CSMD1: variants seen among roughly 807,000 people sequenced by gnomAD.
CSMD1 encodes the protein CUB and sushi domain-containing protein 1.
A neutral mutation model predicts 417.5 loss-of-function variants in CSMD1; 213 were observed. The ratio of observed to expected loss-of-function variants is 0.51; its 90% CI spans 0.46 to 0.57. CSMD1 has a LOEUF of 0.57. Among genes scored for constraint, CSMD1 ranks in the 20% least tolerant of loss-of-function variants. CSMD1 has a pLI of 0.00. For synonymous variants in CSMD1, 2,862 were observed against 1,736.8 expected, an observed-to-expected ratio of 1.65 and a Z score of -16.11; for missense variants, 6,923 against 4,529.7, an observed-to-expected ratio of 1.53 and a Z score of -15.17.
chr8:3,736,340 C>T (rs1242451030), intron 6 of CSMD1, among the ~76,000 whole-genome samples: 1 of 151,950 alleles, frequency 6.6e-6, no homozygotes, highest in Admixed American at 6.6e-5. Flanking sequence ...CTCCTGGGCT[C>T]AGGTGATTCT....
intron 49 of CSMD1, among the ~76,000 whole-genome samples, chr8:3,074,121 T>TG (rs1210891537): frequency 1.3e-5 from 2 of 152,222 alleles, no homozygotes; most frequent in Non-Finnish European, 2.9e-5. Flanking sequence ...TTCTTGCATT[T>TG]GCGCAGCTGA....
intron 10 of CSMD1, among the ~76,000 whole-genome samples, chr8:3,519,386 G>A (rs188819661): frequency 3.3e-5 from 5 of 152,246 alleles, no homozygotes; most frequent in Middle Eastern, 3.4e-3. Context: ...TATGGATTAT[G>A]CATATCAATT....
intron 5 of CSMD1, among the ~76,000 whole-genome samples, chr8:3,923,495 G>A (rs1474889862): frequency 1.3e-5 from 2 of 152,014 alleles, no homozygotes; most frequent in Non-Finnish European, 2.9e-5. Flanking sequence ...ACCCTTAAAG[G>A]TATTGTGTGT....
intron 18 of CSMD1, among the ~76,000 whole-genome samples, chr8:3,386,920 C>A (rs1811038828): frequency 1.3e-5 from 2 of 152,090 alleles, no homozygotes; most frequent in Middle Eastern, 3.2e-3. Context: ...TTGAGCAATA[C>A]AATAACACAA....
intron 1 of CSMD1, among the ~76,000 whole-genome samples, chr8:4,748,183 A>G (rs969053492): frequency 1.3e-5 from 2 of 152,230 alleles, no homozygotes; most frequent in Non-Finnish European, 2.9e-5. Flanking sequence ...TCACCTTGGC[A>G]CATAAACATC....
chr8:3,050,259 T>C (rs1419353310), intron 50 of CSMD1, among the ~76,000 whole-genome samples: 2 of 152,102 alleles, frequency 1.3e-5, no homozygotes, highest in Non-Finnish European at 1.5e-5. Flanking sequence ...ATAAAAGGGG[T>C]ATAGGATTTA....
At chr8:4,950,780 G>A (rs1268145827) in intron 1 of CSMD1, among the ~76,000 whole-genome samples, 2 of 152,056 alleles carry the variant, frequency 1.3e-5, no homozygotes, top group Non-Finnish European at 2.9e-5. Flanking sequence ...CGCTAAGTCA[G>A]ACAATGACCG....
intron 5 of CSMD1, among the ~76,000 whole-genome samples, chr8:3,975,881 T>C (rs1231898481): frequency 1.3e-5 from 2 of 152,212 alleles, no homozygotes; most frequent in Admixed American, 1.3e-4. Flanking sequence ...AAATATTATG[T>C]TTTCATTAGT....
At chr8:3,639,597 A>T (rs906818550) in intron 7 of CSMD1, among the ~76,000 whole-genome samples, 5 of 152,312 alleles carry the variant, frequency 3.3e-5, no homozygotes, top group African/African-American at 9.6e-5. Flanking sequence ...ACCTAGTTTA[A>T]ATCTTAAAAT....
At chr8:4,988,179 T>A (rs968269566) in intron 1 of CSMD1, among the ~76,000 whole-genome samples, 2 of 152,250 alleles carry the variant, frequency 1.3e-5, no homozygotes, top group African/African-American at 4.8e-5. Context: ...ATTATAATGA[T>A]AGCTTTTAAA....
intron 2 of CSMD1, among the ~76,000 whole-genome samples, chr8:4,487,033 G>C (rs971549380): frequency 1.3e-5 from 2 of 152,242 alleles, no homozygotes; most frequent in East Asian, 3.9e-4. Flanking sequence ...TTCCACTGAA[G>C]AGAATTGTAA....
At chr8:4,477,733 C>G (rs1424905883) in intron 2 of CSMD1, among the ~76,000 whole-genome samples, 3 of 152,096 alleles carry the variant, frequency 2.0e-5, no homozygotes, top group African/African-American at 4.8e-5. Flanking sequence ...ATACCAAAAG[C>G]CATTCTTGTC....
intron 3 of CSMD1, among the ~76,000 whole-genome samples, chr8:4,192,907 C>G (rs1346671323): frequency 6.6e-6 from 1 of 152,170 alleles, no homozygotes; most frequent in African/African-American, 2.4e-5. Context: ...CCTTTAAGGA[C>G]ATACTCACTT....
At chr8:3,622,075 C>G (rs1289553831) in intron 7 of CSMD1, among the ~76,000 whole-genome samples, 1 of 151,786 alleles carries the variant, frequency 6.6e-6, no homozygotes, top group Non-Finnish European at 1.5e-5. Context: ...TCTTCAAGCC[C>G]ATGTTTTCAC....
At chr8:4,367,270 T>C (rs571979811) in intron 3 of CSMD1, among the ~76,000 whole-genome samples, 1 of 152,306 alleles carries the variant, frequency 6.6e-6, no homozygotes, top group South Asian at 2.1e-4. Flanking sequence ...CGGGCCAGAC[T>C]GCATGAGTCT....
At chr8:3,412,261 C>G (rs566454521) in intron 12 of CSMD1, among the ~76,000 whole-genome samples, 1 of 151,310 alleles carries the variant, frequency 6.6e-6, no homozygotes, top group South Asian at 2.1e-4. Flanking sequence ...TGGGTTGGTT[C>G]CACATTTTTG....
At chr8:4,466,646 A>G (rs570056904) in intron 2 of CSMD1, among the ~76,000 whole-genome samples, 6 of 152,112 alleles carry the variant, frequency 3.9e-5, no homozygotes, top group East Asian at 3.9e-4. Flanking sequence ...TAAATGTTTA[A>G]TTTTTCAGAA....
chr8:4,177,876 C>G (rs1005759814), intron 3 of CSMD1, among the ~76,000 whole-genome samples: 2 of 151,658 alleles, frequency 1.3e-5, no homozygotes, highest in Non-Finnish European at 2.9e-5. Flanking sequence ...CAAGACTAAA[C>G]CAGGAAGAAG....
chr8:4,430,787 C>A (rs1797829835), intron 2 of CSMD1, among the ~76,000 whole-genome samples: 1 of 152,280 alleles, frequency 6.6e-6, no homozygotes, highest in Non-Finnish European at 1.5e-5. Flanking sequence ...TTACAAATGA[C>A]ATTAAAACAG....
Sources: allele counts gnomAD v4.1 joint callset (sites outside exome capture counted in the v4.1 genomes callset), GRCh38; gene constraint gnomAD v4.1.1; transcripts MANE v1.5; gene names NCBI Gene and HGNC (gene_info 2026-07-23, HGNC 2026-07-21).